The following EFR3A variants were observed in gnomAD, a reference collection of about 807,000 sequenced individuals.
EFR3A encodes the protein protein EFR3 homolog A.
Under a neutral mutation model 104.4 loss-of-function variants are expected in EFR3A, and 76 were observed. The ratio of observed to expected loss-of-function variants is 0.73; its 90% confidence interval spans 0.60 to 0.88. The LOEUF is 0.88. EFR3A is among the 40% of genes least tolerant of loss of function. The probability of loss-of-function intolerance (pLI) is 0.00; values close to 1 mark genes in which losing one functional copy is unlikely to be tolerated. For synonymous variants in EFR3A, 330 were observed against 330.0 expected (o/e 1.00, Z 0.00); for missense variants, 985 against 1,012.5 (o/e 0.97, Z 0.37).
chr8:131,984,165 A>G lies in EFR3A; in HGVS notation c.1602A>G (p.Ile534Met), dbSNP rs1250408175. Residue 534 changes from isoleucine (I) to methionine (M), a missense_variant, in exon 15 of 23, where the codon ATA becomes ATG. Physicochemically the swap from Ile to Met is conservative, Grantham distance 10. Coordinates refer to ENST00000254624, the MANE Select transcript of EFR3A (RefSeq NM_015137.6). The part of the protein sequence containing the change: ...KKNGQQLYRH[I>M]YLGCKEEDNV... ...ATGGGCAACAGCTGTATCGGCACATATATTTGGGTTGTAAAGAGGAAGACA... is the reference window on the plus strand; with the variant it reads ...ATGGGCAACAGCTGTATCGGCACATGTATTTGGGTTGTAAAGAGGAAGACA... 1.2e-6 allele frequency: 2 copies of G among 1,611,016 alleles called. No homozygotes were observed. The highest frequency in any genetic ancestry group is 2.7e-5 in the African/African-American group (2 of 74,784).
intron 11 of EFR3A, 42 bp downstream of exon 11, chr8:131,976,183 C>CATAAAAATGT: frequency 8.1e-7 from 1 of 1,232,084 alleles, no homozygotes; most frequent in South Asian, 1.4e-5. Flanking sequence ...TCTTGAGTTA[C>CATAAAAATGT]ATTTTATCCT....
intron 14 of EFR3A, among the ~76,000 whole-genome samples, chr8:131,982,358 G>A (rs1386720513): frequency 6.6e-6 from 1 of 151,960 alleles, no homozygotes; most frequent in African/African-American, 2.4e-5. Flanking sequence ...AGTATTCCAT[G>A]ATATGAATAT....
intron 8 of EFR3A, among the ~76,000 whole-genome samples, chr8:131,963,538 G>A (rs1165698450): frequency 2.0e-5 from 3 of 152,108 alleles, no homozygotes; most frequent in Admixed American, 6.5e-5. Context: ...TTGAATCTCT[G>A]AATAGACCAA....
intron 22 of EFR3A, among the ~76,000 whole-genome samples, chr8:132,008,845 T>TAAAA (rs1822171149): frequency 2.6e-4 from 5 of 19,074 alleles, no homozygotes; most frequent in Non-Finnish European, 3.9e-4. Flanking sequence ...AAACTCCATC[T>TAAAA]CAAAAAAAAA....
intron 6 of EFR3A, 113 bp from the exon 7 acceptor site, chr8:131,955,655 G>T: frequency 9.2e-7 from 1 of 1,082,012 alleles, no homozygotes. Context: ...TATATTTTCT[G>T]GAGTATAAAA....
At chr8:131,924,055 T>C in intron 1 of EFR3A, 1 of 387,012 alleles carries the variant, frequency 2.6e-6, no homozygotes, top group Admixed American at 3.0e-5. Flanking sequence ...AATTGCTGTA[T>C]CTTGCTAAGA....
chr8:131,918,081 G>A (rs1366081693), intron 1 of EFR3A, among the ~76,000 whole-genome samples: 2 of 152,144 alleles, frequency 1.3e-5, no homozygotes, highest in Non-Finnish European at 2.9e-5. Flanking sequence ...GAGGTCAAGA[G>A]GTTGAGACAA....
chr8:131,955,913 G>T lies in EFR3A; in HGVS notation c.776+8G>T, dbSNP rs371976816. The T allele has an allele frequency of 1.8e-5, 29 of 1,611,960 alleles. No individual in the cohort carries two copies. The highest frequency in any genetic ancestry group is 8.9e-5 in the East Asian group (4 of 44,844). ...TGTTAGACCAGTTTTTGCGTAAGTAGTTGGTGTTTTCCTGGTTATTTGTGA... is the reference window on the plus strand; with the variant it reads ...TGTTAGACCAGTTTTTGCGTAAGTATTTGGTGTTTTCCTGGTTATTTGTGA... On this transcript the variant is annotated splice_region_variant and intron_variant, in intron 7 of 22. Transcript: ENST00000254624.
intron 1 of EFR3A, among the ~76,000 whole-genome samples, chr8:131,909,236 C>A (rs140013833): frequency 6.6e-6 from 1 of 152,048 alleles, no homozygotes; most frequent in African/African-American, 2.4e-5. Flanking sequence ...TTTTTTTTCC[C>A]ATAAAGATAG....
chr8:131,939,483 G>T (rs1818063138), intron 1 of EFR3A, among the ~76,000 whole-genome samples: 1 of 152,142 alleles, frequency 6.6e-6, no homozygotes, highest in Non-Finnish European at 1.5e-5. Flanking sequence ...GCAGTGTATA[G>T]TGTATAACAT....
chr8:131,998,643 T>C (rs1821625284), intron 19 of EFR3A, among the ~76,000 whole-genome samples: 1 of 152,070 alleles, frequency 6.6e-6, no homozygotes, highest in African/African-American at 2.4e-5. Context: ...ATGTATATTA[T>C]TATTTCTTCT....
intron 10 of EFR3A, among the ~76,000 whole-genome samples, chr8:131,975,604 C>T (rs1476195898): frequency 3.3e-5 from 5 of 151,718 alleles, no homozygotes; most frequent in East Asian, 1.9e-4. Context: ...TTAGTAGAGA[C>T]GAGGTTTCAC....
chr8:131,972,722 T>C (rs1820136938), intron 10 of EFR3A, among the ~76,000 whole-genome samples: 1 of 152,180 alleles, frequency 6.6e-6, no homozygotes, highest in East Asian at 1.9e-4. Flanking sequence ...ACCTAATTTC[T>C]AACCTAATAA....
intron 9 of EFR3A, among the ~76,000 whole-genome samples, chr8:131,969,327 A>T (rs1244225133): frequency 6.6e-6 from 1 of 152,068 alleles, no homozygotes; most frequent in East Asian, 1.9e-4. Flanking sequence ...TCTGCAGGGG[A>T]TTGGTTCGAG....
At chr8:131,950,124 G>A (rs1813701021) in intron 5 of EFR3A, 34 bp downstream of exon 5, 2 of 1,539,188 alleles carry the variant, frequency 1.3e-6, no homozygotes, top group African/African-American at 1.4e-5. Context: ...TCTATAGTAA[G>A]TAATTTAGAG....
rs78554747 is a variant in EFR3A, at chr8:131,923,469, C to A, written c.11-17030C>A. On this transcript the variant is annotated intron_variant, in intron 1 of 22. Transcript: ENST00000254624. ...ATTTTGCTCTGTATAAACTTCACGG[C>A]CTTTAAAAAGGCATCTGGGAAAATG... 3.9e-3 allele frequency among the ~76,000 whole-genome samples: 581 copies of A among 148,490 alleles called. 2 individuals are homozygous for A. Among genetic ancestry groups the A allele is most frequent in the African/African-American group, 0.014 (561 of 40,622 alleles).
At chr8:131,977,764 A>C (rs1820400217) in intron 12 of EFR3A, among the ~76,000 whole-genome samples, 1 of 152,042 alleles carries the variant, frequency 6.6e-6, no homozygotes, top group South Asian at 2.1e-4. Flanking sequence ...TTGTATTTTT[A>C]ATTTTTTTTA....
Position 131,970,495 on chromosome 8 carries a change from C to G in EFR3A, c.1011C>G (p.Val337=). 5 of 1,613,764 alleles carry G rather than the reference C, an allele frequency of 3.1e-6. No individual in the cohort carries two copies. Among genetic ancestry groups the G allele is most frequent in the Non-Finnish European group, 4.2e-6 (5 of 1,179,738 alleles). The stretch of plus-strand genomic sequence containing the variant: ...TTATAGGTCCGACAGTGCTGGAAGT[C>G]TTCAATACCCTTTTGAAACATCTGC... ...KGSIGPTVLE[V]FNTLLKHLRL... The change falls in exon 10 of 23, where the codon GTC becomes GTG. Residue 337 remains valine (V), a synonymous_variant. Transcript: ENST00000254624.
At chr8:131,934,418 T>C (rs1817772443) in intron 1 of EFR3A, among the ~76,000 whole-genome samples, 1 of 152,168 alleles carries the variant, frequency 6.6e-6, no homozygotes, top group South Asian at 2.1e-4. Flanking sequence ...AGTTGTTTTC[T>C]CTCTCCTCTG....
Sources: allele counts gnomAD v4.1 joint callset (sites outside exome capture counted in the v4.1 genomes callset), GRCh38; gene constraint gnomAD v4.1.1; transcripts MANE v1.5; gene names NCBI Gene and HGNC (gene_info 2026-07-23, HGNC 2026-07-21).